The following MED13 variants were observed in gnomAD, a reference collection of about 807,000 sequenced individuals.
MED13 encodes mediator of RNA polymerase II transcription subunit 13.
Under a neutral mutation model 225.2 loss-of-function variants are expected in MED13, and 23 were observed. That is an observed-to-expected ratio of 0.10 (90% CI 0.07 to 0.14). The LOEUF is 0.14. Ranked by LOEUF, MED13 falls within the 10% of genes least tolerant of loss-of-function variation. The pLI is 1.00. For synonymous variants in MED13, 942 were observed against 889.2 expected (o/e 1.06, Z -1.06); for missense variants, 2,197 against 2,594.5 (o/e 0.85, Z 3.33).
At chr17:62,016,577 G>A (rs1603403048) in intron 8 of MED13, among the ~76,000 whole-genome samples, 1 of 152,324 alleles carries the variant, frequency 6.6e-6, no homozygotes, top group Non-Finnish European at 1.5e-5. Context: ...CAAGTGGCTA[G>A]TCCAAATTGA....
chr17:62,053,147 C>T (rs1451202088), intron 2 of MED13, among the ~76,000 whole-genome samples: 3 of 152,150 alleles, frequency 2.0e-5, no homozygotes, highest in Non-Finnish European at 4.4e-5. Context: ...AAAGTCAAAA[C>T]ATTTCATGTC....
At chr17:62,062,981 A>C (rs1458730685) in intron 2 of MED13, 86 bp downstream of exon 2, 3 of 1,031,886 alleles carry the variant, frequency 2.9e-6, no homozygotes, top group Non-Finnish European at 4.2e-6. Context: ...CCACAAAAAC[A>C]AACTTAATTT....
intron 16 of MED13, among the ~76,000 whole-genome samples, chr17:61,980,974 T>C (rs562036505): frequency 7.9e-5 from 12 of 151,844 alleles, no homozygotes; most frequent in African/African-American, 2.9e-4. Flanking sequence ...TCTGCCCACC[T>C]CAGTCTCCCA....
At chr17:62,015,763 GATATACACACACTATATAT>G (rs1383563641) in intron 8 of MED13, among the ~76,000 whole-genome samples, 1 of 135,934 alleles carries the variant, frequency 7.4e-6, no homozygotes. Context: ...ATATAATATA[GATATACACACACTATATAT>G]ATATACACAC....
At chr17:62,034,811 T>C (rs952353828) in intron 4 of MED13, among the ~76,000 whole-genome samples, 8 of 152,104 alleles carry the variant, frequency 5.3e-5, no homozygotes, top group African/African-American at 1.9e-4. Context: ...AGTCCCTTTG[T>C]AGCTATGTTA....
chr17:62,010,347 T>A (rs2080494750), intron 9 of MED13: 1 of 396,342 alleles, frequency 2.5e-6, no homozygotes, highest in South Asian at 1.4e-4. Flanking sequence ...CACATTATTT[T>A]CTCCACTTTT....
chr17:62,051,605 T>C (rs1462692710), intron 3 of MED13, among the ~76,000 whole-genome samples: 2 of 151,840 alleles, frequency 1.3e-5, no homozygotes, highest in Admixed American at 6.6e-5. Flanking sequence ...TATCTACTCA[T>C]CCAGTCTTAC....
In MED13 at chr17:62,035,567, T is replaced by C; in HGVS notation, c.512A>G (p.Asp171Gly). Residue 171 changes from aspartate to glycine, a missense_variant, in exon 4 of 30, where the codon GAC becomes GGC. Physicochemically the swap from Asp to Gly is moderately conservative, Grantham distance 94. Around this residue, in one of 12 missense-constraint regions of MED13, gnomAD observed 884 missense variants for 918.5 expected, o/e 0.96. Transcript: ENST00000397786. ...TTCCACACTGGTACAAACATTGCTG[T>C]CTCCATGCAAGAAAAAGGTGAAGGA... ...SCSFTFFLHG[D>G]SNVCTSVEIN... 1.2e-6 allele frequency: 2 copies of C among 1,613,708 alleles called. No homozygotes were observed. Among genetic ancestry groups the C allele is most frequent in the Non-Finnish European group, 1.7e-6 (2 of 1,179,858 alleles).
At chr17:62,058,539 AAAAG>A (rs1555645943) in intron 2 of MED13, among the ~76,000 whole-genome samples, 15 of 146,358 alleles carry the variant, frequency 1.0e-4, no homozygotes, top group South Asian at 4.8e-4. Flanking sequence ...AAAAAAAAAA[AAAAG>A]AAAGAAAGAA....
chr17:61,957,614 C>G (rs1040942559), intron 23 of MED13, among the ~76,000 whole-genome samples: 2 of 152,076 alleles, frequency 1.3e-5, no homozygotes, highest in Admixed American at 6.5e-5. Context: ...TCACAAAGTG[C>G]TAGGATTACA....
intron 9 of MED13, among the ~76,000 whole-genome samples, chr17:62,008,695 C>T (rs937368369): frequency 6.6e-6 from 1 of 151,838 alleles, no homozygotes; most frequent in Non-Finnish European, 1.5e-5. Flanking sequence ...CCGCCCCCTC[C>T]CCCCGAGGGA....
chr17:62,016,178 CA>C (rs1183131332), intron 8 of MED13, among the ~76,000 whole-genome samples: 25 of 136,434 alleles, frequency 1.8e-4, no homozygotes, highest in Admixed American at 3.7e-4. Context: ...AGAACAACAA[CA>C]AAAAAAAAAA....
intron 28 of MED13, among the ~76,000 whole-genome samples, chr17:61,949,888 T>C (rs1333864682): frequency 6.6e-6 from 1 of 151,958 alleles, no homozygotes; most frequent in East Asian, 1.9e-4. Flanking sequence ...TCTCACCATG[T>C]TGGCCAGACT....
At chr17:61,966,121 T>A (rs73334669) in intron 19 of MED13, among the ~76,000 whole-genome samples, 3 of 152,246 alleles carry the variant, frequency 2.0e-5, no homozygotes, top group Non-Finnish European at 2.9e-5. Flanking sequence ...ATCTCTAAAC[T>A]GTAACAAATG....
chr17:62,003,378 G>A (rs937362543), intron 9 of MED13, among the ~76,000 whole-genome samples: 10 of 152,062 alleles, frequency 6.6e-5, no homozygotes, highest in Non-Finnish European at 7.4e-5. Context: ...GGCTGAGGCA[G>A]GTGGATCACC....
chr17:61,956,213 G>C, intron 24 of MED13, 126 bp downstream of exon 24: 1 of 929,264 alleles, frequency 1.1e-6, no homozygotes, highest in Non-Finnish European at 1.6e-6. Context: ...TTGTGGCCTA[G>C]ACATATGTGG....
chr17:61,959,693 A>C (rs1237649278), intron 23 of MED13, among the ~76,000 whole-genome samples: 1 of 151,842 alleles, frequency 6.6e-6, no homozygotes, highest in African/African-American at 2.4e-5. Flanking sequence ...GCTTTTATAT[A>C]ATAAGGAAGA....
chr17:61,970,726 G>GT (rs10685140), intron 17 of MED13, among the ~76,000 whole-genome samples: 77,863 of 109,468 alleles, frequency 0.71, 27,517 homozygotes, highest in Middle Eastern at 0.82. Context: ...AGTTATTTAG[G>GT]TTTTTTTTTT....
At position 61,960,882 on chromosome 17, in the gene MED13, A is replaced by T. The variant is rs1420093486; in HGVS notation, c.5465T>A (p.Ile1822Asn). ...ATACAAATACCTATTTGGAACATCG[A>T]TGTTAATGATACAAGTTTCTAAAAG... The part of the protein sequence containing the change: ...GELLETCIIN[I>N]DVPNRARRKK... The change falls in exon 23 of 30, where the codon ATC (isoleucine) becomes AAC (asparagine). Residue 1822 changes from isoleucine (I) to asparagine (N), a missense_variant. Ile to Asn is a moderately radical substitution (Grantham distance 149). Coordinates refer to ENST00000397786, the MANE Select transcript of MED13 (RefSeq NM_005121.3). The T allele has an allele frequency of 1.2e-6, 2 of 1,604,476 alleles. No individual in the cohort carries two copies. Among genetic ancestry groups the T allele is most frequent in the African/African-American group, 2.7e-5 (2 of 74,712 alleles).
Sources: gnomAD v4.1 joint callset for allele counts (sites outside exome capture counted in the v4.1 genomes callset) on GRCh38, gnomAD v4.1.1 for gene constraint, gnomAD v4.1.1 regional missense constraint, MANE v1.5 for transcripts, NCBI Gene and HGNC (gene_info 2026-07-23, HGNC 2026-07-21) for gene names.